Variants in CLYBL observed in about 807,000 individuals in gnomAD.
The protein encoded by CLYBL is citramalyl-CoA lyase, mitochondrial.
A neutral mutation model predicts 38.9 loss-of-function variants in CLYBL; 31 were observed. The ratio of observed to expected loss-of-function variants is 0.80; its 90% confidence interval spans 0.60 to 1.08. CLYBL has a LOEUF of 1.08. Ranked by LOEUF, CLYBL falls within the 50% of genes least tolerant of loss-of-function variation. The probability of loss-of-function intolerance (pLI) is 0.00; values close to 1 mark genes in which losing one functional copy is unlikely to be tolerated. For synonymous variants in CLYBL, 171 were observed against 158.6 expected, an observed-to-expected ratio of 1.08 and a Z score of -0.59; for missense variants, 434 against 411.6, an observed-to-expected ratio of 1.05 and a Z score of -0.47.
intron 3 of CLYBL, among the ~76,000 whole-genome samples, chr13:99,859,921 T>G (rs949672737): frequency 1.3e-5 from 2 of 151,824 alleles, no homozygotes; most frequent in African/African-American, 2.4e-5. Context: ...TCGGGGCGAG[T>G]GGGCAGTGGT....
chr13:99,861,199 GTTAGTAC>G (rs1222941122), intron 3 of CLYBL, among the ~76,000 whole-genome samples: 1 of 152,116 alleles, frequency 6.6e-6, no homozygotes, highest in Non-Finnish European at 1.5e-5. Flanking sequence ...TACCTTTTGT[GTTAGTAC>G]TTAGTGCAAT....
At chr13:99,678,503 T>C (rs2047686838) in intron 1 of CLYBL, among the ~76,000 whole-genome samples, 1 of 152,222 alleles carries the variant, frequency 6.6e-6, no homozygotes, top group Admixed American at 6.5e-5. Flanking sequence ...AAAGTGTAAT[T>C]AATGGGAAAC....
intron 2 of CLYBL, 146 bp downstream of exon 2, chr13:99,773,156 G>C: frequency 1.5e-6 from 1 of 673,340 alleles, no homozygotes; most frequent in Non-Finnish European, 2.5e-6. Flanking sequence ...CTTTTATATA[G>C]GTTCTAAATG....
At chr13:99,864,498 G>A (rs983752163) in intron 4 of CLYBL, among the ~76,000 whole-genome samples, 2 of 152,088 alleles carry the variant, frequency 1.3e-5, no homozygotes, top group African/African-American at 4.8e-5. Flanking sequence ...AAGCAAAAAC[G>A]AATTCTGGAA....
At chr13:99,688,757 T>C (rs2047856240) in intron 1 of CLYBL, among the ~76,000 whole-genome samples, 5 of 152,226 alleles carry the variant, frequency 3.3e-5, no homozygotes, top group Admixed American at 3.3e-4. Context: ...TGGCCGTTCC[T>C]GGGTATTAAA....
At chr13:99,794,798 G>T (rs1304446183) in intron 2 of CLYBL, among the ~76,000 whole-genome samples, 1 of 151,858 alleles carries the variant, frequency 6.6e-6, no homozygotes, top group Non-Finnish European at 1.5e-5. Context: ...CACCATGTTG[G>T]CCAGGCTGAT....
chr13:99,840,903 C>T (rs775006398), intron 2 of CLYBL, among the ~76,000 whole-genome samples: 5 of 151,610 alleles, frequency 3.3e-5, no homozygotes, highest in Non-Finnish European at 7.4e-5. Flanking sequence ...AGTCAGCTTA[C>T]ACGCAGTCCA....
At chr13:99,775,885 C>T (rs931296185) in intron 2 of CLYBL, among the ~76,000 whole-genome samples, 20 of 152,020 alleles carry the variant, frequency 1.3e-4, no homozygotes, top group Admixed American at 2.0e-4. Flanking sequence ...AACAATAGGC[C>T]GGGCACGGTG....
intron 1 of CLYBL, among the ~76,000 whole-genome samples, chr13:99,712,560 T>A (rs2048252498): frequency 6.6e-6 from 1 of 151,762 alleles, no homozygotes; most frequent in East Asian, 1.9e-4. Context: ...ATTGCCCAGG[T>A]TGGTCTCCAA....
At chr13:99,674,424 A>G (rs1285060863) in intron 1 of CLYBL, among the ~76,000 whole-genome samples, 1 of 152,124 alleles carries the variant, frequency 6.6e-6, no homozygotes, top group African/African-American at 2.4e-5. Context: ...TGCTGGGATT[A>G]CAGGCGTGAG....
At chr13:99,737,991 GA>G (rs1272942926) in intron 1 of CLYBL, among the ~76,000 whole-genome samples, 5 of 152,198 alleles carry the variant, frequency 3.3e-5, no homozygotes, top group Non-Finnish European at 7.3e-5. Flanking sequence ...AATTGAGAAT[GA>G]AGTTAAGGAA....
intron 2 of CLYBL, among the ~76,000 whole-genome samples, chr13:99,844,001 A>C (rs1856451640): frequency 6.6e-6 from 1 of 152,280 alleles, no homozygotes; most frequent in South Asian, 2.1e-4. Flanking sequence ...GAGCATAAAC[A>C]GATACCCTGC....
intron 1 of CLYBL, among the ~76,000 whole-genome samples, chr13:99,708,612 G>A (rs180952365): frequency 6.6e-6 from 1 of 152,272 alleles, no homozygotes; most frequent in East Asian, 1.9e-4. Context: ...GAGATAATAG[G>A]TTAAGAGGGT....
chr13:99,746,256 T>TA (rs986894397), intron 1 of CLYBL, among the ~76,000 whole-genome samples: 1 of 151,906 alleles, frequency 6.6e-6, no homozygotes, highest in Non-Finnish European at 1.5e-5. Flanking sequence ...TCGTGACCTT[T>TA]AAAAAAAAGT....
chr13:99,718,558 G>C (rs1040002762), intron 1 of CLYBL, among the ~76,000 whole-genome samples: 1 of 152,022 alleles, frequency 6.6e-6, no homozygotes, highest in African/African-American at 2.4e-5. Flanking sequence ...TCCTGGACTC[G>C]TGTCTATGAG....
At chr13:99,868,644 C>T (rs1003601303) in intron 6 of CLYBL, among the ~76,000 whole-genome samples, 2 of 152,080 alleles carry the variant, frequency 1.3e-5, no homozygotes, top group African/African-American at 2.4e-5. Flanking sequence ...TTCTTTTCTG[C>T]GGTCGTTTCC....
chr13:99,620,757 A>G (rs1008555478), intron 1 of CLYBL, among the ~76,000 whole-genome samples: 4 of 151,980 alleles, frequency 2.6e-5, no homozygotes, highest in African/African-American at 9.7e-5. Context: ...AGCCTGGGTG[A>G]CAGTGAGACT....
intron 1 of CLYBL, among the ~76,000 whole-genome samples, chr13:99,741,226 G>T (rs2048749610): frequency 6.6e-6 from 1 of 152,198 alleles, no homozygotes; most frequent in Non-Finnish European, 1.5e-5. Flanking sequence ...CACAAATGGG[G>T]CAAAGAAGCA....
At chr13:99,668,685 A>T (rs144702478) in intron 1 of CLYBL, among the ~76,000 whole-genome samples, 5 of 152,214 alleles carry the variant, frequency 3.3e-5, no homozygotes, top group Admixed American at 2.0e-4. Flanking sequence ...ATCACTGCTG[A>T]TGTCTAAATC....
Sources: allele counts gnomAD v4.1 joint callset (sites outside exome capture counted in the v4.1 genomes callset), GRCh38; gene constraint gnomAD v4.1.1; transcripts MANE v1.5; gene names NCBI Gene and HGNC (gene_info 2026-07-23, HGNC 2026-07-21).